PTPRN2: variants seen among roughly 807,000 people sequenced by gnomAD.
The protein encoded by PTPRN2 is protein tyrosine phosphatase receptor type N2.
In PTPRN2, 74 loss-of-function variants were observed where a neutral mutation model predicts 118.8. The observed-to-expected ratio is 0.62, with a 90% CI of 0.52 to 0.76. The LOEUF (loss-of-function observed/expected upper bound fraction) is 0.76, where lower values mean the gene tolerates loss of function less well. PTPRN2 is among the 30% of genes least tolerant of loss of function. The probability of loss-of-function intolerance (pLI) is 0.00; values close to 1 mark genes in which losing one functional copy is unlikely to be tolerated. For missense variants in PTPRN2, 1,481 were observed against 1,394.4 expected (o/e 1.06, Z -0.99); for synonymous variants, 641 against 608.0 (o/e 1.05, Z -0.80).
chr7:158,561,385 G>A (rs558348436), intron 1 of PTPRN2, among the ~76,000 whole-genome samples: 2 of 152,184 alleles, frequency 1.3e-5, no homozygotes, highest in Admixed American at 6.5e-5. Context: ...CTTCTGTAAA[G>A]AGGAAAATGC....
At chr7:157,855,618 A>C (rs536088564) in intron 12 of PTPRN2, among the ~76,000 whole-genome samples, 129 of 152,160 alleles carry the variant, frequency 8.5e-4, no homozygotes, top group African/African-American at 3.0e-3. Flanking sequence ...GGAAGGGGGG[A>C]TGTCAGGAAT....
intron 3 of PTPRN2, among the ~76,000 whole-genome samples, chr7:158,235,044 G>A (rs1829439978): frequency 6.6e-6 from 1 of 152,338 alleles, no homozygotes; most frequent in Non-Finnish European, 1.5e-5. Flanking sequence ...TTACAGGCAT[G>A]AGCCACCGGG....
At chr7:158,340,512 C>T (rs533340934) in intron 2 of PTPRN2, among the ~76,000 whole-genome samples, 1 of 127,674 alleles carries the variant, frequency 7.8e-6, no homozygotes, top group Non-Finnish European at 1.7e-5. Flanking sequence ...ACGTCACTCA[C>T]ACCCACATTC....
At chr7:158,234,910 C>A (rs1829429190) in intron 3 of PTPRN2, among the ~76,000 whole-genome samples, 1 of 151,988 alleles carries the variant, frequency 6.6e-6, no homozygotes, top group Admixed American at 6.6e-5. Context: ...TTACAGGCAC[C>A]TGCCACCACA....
intron 1 of PTPRN2, among the ~76,000 whole-genome samples, chr7:158,524,826 C>T (rs1204635168): frequency 2.0e-5 from 3 of 152,200 alleles, no homozygotes; most frequent in African/African-American, 7.2e-5. Context: ...AGCTTCTGTA[C>T]ACTTGGCTTT....
Position 157,598,659 on chromosome 7 carries a change from C to T in PTPRN2, c.2419-3344G>A, listed in dbSNP as rs754582220. Among the ~76,000 whole-genome samples the T allele has an allele frequency of 6.6e-5, 10 of 152,194 alleles. No homozygotes were observed. The highest frequency in any genetic ancestry group is 1.9e-4 in the East Asian group (1 of 5,188). ...GTGTGTGTCCTGGTGTTGGTCATCC[C>T]GAAACTGTCCGTGAAAACCTGTAAA... On this transcript the variant is annotated intron_variant, in intron 16 of 22. Transcript: ENST00000389418. This position sits in a 1 kb window ranked among gnomAD's most constrained non-coding sequence, Gnocchi z 5.2.
intron 6 of PTPRN2, among the ~76,000 whole-genome samples, chr7:158,164,505 C>T (rs1215975746): frequency 2.0e-5 from 3 of 147,100 alleles, no homozygotes; most frequent in Non-Finnish European, 4.5e-5. Flanking sequence ...GGAGCGCGCG[C>T]GTAGGGAGGG....
chr7:158,165,306 C>G (rs553390676), intron 6 of PTPRN2, among the ~76,000 whole-genome samples: 1 of 152,308 alleles, frequency 6.6e-6, no homozygotes, highest in African/African-American at 2.4e-5. Flanking sequence ...AGACGTCGTC[C>G]CAGAGGGAGA....
chr7:158,308,588 AAAG>A (rs1211544625), intron 3 of PTPRN2, among the ~76,000 whole-genome samples: 9 of 151,808 alleles, frequency 5.9e-5, no homozygotes, highest in African/African-American at 2.2e-4. Flanking sequence ...ATAACAGCAC[AAAG>A]GAGGGAAAGA....
chr7:158,104,881 A>T (rs1169763423), intron 10 of PTPRN2, among the ~76,000 whole-genome samples: 1 of 141,726 alleles, frequency 7.1e-6, no homozygotes, highest in Non-Finnish European at 1.5e-5. Flanking sequence ...GCTCCATCAA[A>T]CTCCATCCCA....
chr7:157,561,661 T>C (rs1799197538), intron 21 of PTPRN2, among the ~76,000 whole-genome samples: 1 of 152,240 alleles, frequency 6.6e-6, no homozygotes, highest in African/African-American at 2.4e-5. Flanking sequence ...GGAGGGCCCC[T>C]TGGGCCCCCT....
rs1015144980 is a variant in PTPRN2 at position 158,525,397 on chromosome 7, G to C, written c.113-35612C>G. On this transcript the variant is annotated intron_variant, in intron 1 of 22. Coordinates refer to ENST00000389418, the MANE Select transcript of PTPRN2 (RefSeq NM_002847.5). The surrounding 1 kb of genome is among the most constrained non-coding windows in gnomAD (Gnocchi z 4.1). ...GCCCCAGGGGCCATGGGCTACGCAC[G>C]GGCCAGGTTTCCAGCCTGCCAGCCC... Among the ~76,000 whole-genome samples the C allele has an allele frequency of 2.0e-5, 3 of 152,174 alleles. No homozygotes were observed. Among genetic ancestry groups the C allele is most frequent in the Admixed American group, 1.3e-4 (2 of 15,282 alleles).
At chr7:158,080,555 C>T (rs982286071) in intron 11 of PTPRN2, among the ~76,000 whole-genome samples, 6 of 146,760 alleles carry the variant, frequency 4.1e-5, no homozygotes, top group African/African-American at 1.3e-4. Context: ...AAACAATACA[C>T]TCTACAAGAG....
intron 3 of PTPRN2, among the ~76,000 whole-genome samples, chr7:158,272,662 G>A (rs140506544): frequency 1.4e-3 from 214 of 152,268 alleles, no homozygotes; most frequent in Middle Eastern, 0.01. Flanking sequence ...GTCAAATCTC[G>A]GAGCACCAGG....
At chr7:157,795,682 C>T (rs1021295237) in intron 12 of PTPRN2, among the ~76,000 whole-genome samples, 2 of 152,248 alleles carry the variant, frequency 1.3e-5, no homozygotes, top group Non-Finnish European at 2.9e-5. Flanking sequence ...AAGGAACTTC[C>T]GCCATGGAGG....
chr7:157,749,933 T>C lies in PTPRN2; in HGVS notation c.1789-66996A>G, dbSNP rs562762099. ...GCCTGCATCTCTGAGCTGTGGGGTG[T>C]CCGGGTGATTCTGAGGCCTGTGTCC... is the stretch of plus-strand genomic sequence containing the variant. On this transcript the variant is annotated intron_variant, in intron 12 of 22. Coordinates refer to ENST00000389418, the MANE Select transcript of PTPRN2 (RefSeq NM_002847.5). Among the ~76,000 whole-genome samples the C allele has an allele frequency of 3.3e-3, 449 of 137,102 alleles. 19 individuals carry two copies. The highest frequency in any genetic ancestry group is 0.011 in the Middle Eastern group (3 of 262). The allele number at this position is 137,102 out of a possible 152,430, so 89.9% of individuals were successfully genotyped here.
intron 14 of PTPRN2, among the ~76,000 whole-genome samples, chr7:157,630,116 C>T (rs1048627080): frequency 2.6e-5 from 4 of 152,148 alleles, no homozygotes; most frequent in South Asian, 2.1e-4. Flanking sequence ...AGGAGAAGTT[C>T]GATGAGGTTG....
chr7:158,134,186 GAGGA>G, intron 8 of PTPRN2, 127 bp from the exon 9 acceptor site: 1 of 1,098,232 alleles, frequency 9.1e-7, no homozygotes, highest in South Asian at 1.6e-5. Context: ...GAGAGTGTGG[GAGGA>G]AGGCGAAGTG....
In PTPRN2 at chr7:157,546,175, C is replaced by G. The variant is rs550598172; in HGVS notation, c.2976+2771G>C. Among the ~76,000 whole-genome samples, 4 of 152,284 alleles carry G rather than the reference C, an allele frequency of 2.6e-5. No individual in the cohort carries two copies. The East Asian group carries it at 7.7e-4, about 29-fold the overall frequency. ...GTCCAAGAAGGAAGCAGCTAGGAAG[C>G]TGACTCTGTTATCTGGAGTGCAGAA... On this transcript the variant is annotated intron_variant, in intron 22 of 22. Coordinates refer to ENST00000389418, the MANE Select transcript of PTPRN2 (RefSeq NM_002847.5).
Sources: gnomAD v4.1 joint callset for allele counts (sites outside exome capture counted in the v4.1 genomes callset) on GRCh38, gnomAD v4.1.1 for gene constraint, Gnocchi (gnomAD v3.1) non-coding constraint, MANE v1.5 for transcripts, NCBI Gene and HGNC (gene_info 2026-07-23, HGNC 2026-07-21) for gene names.